SPMIP7: variants seen among roughly 807,000 people sequenced by gnomAD.
SPMIP7 encodes the protein sperm microtubule inner protein 7.
the SPMIP7 span, among the ~76,000 whole-genome samples, chr7:50,101,142 C>T: frequency 6.6e-6 from 1 of 152,352 alleles, no homozygotes; most frequent in East Asian, 1.9e-4. Context: ...ACTCTGTTTA[C>T]TTCCCATGTT....
the SPMIP7 span, among the ~76,000 whole-genome samples, chr7:50,156,617 C>A: frequency 6.6e-6 from 1 of 151,658 alleles, no homozygotes; most frequent in African/African-American, 2.4e-5. Context: ...ATTTTCCCTG[C>A]TAGTGTCCCC....
the SPMIP7 span, among the ~76,000 whole-genome samples, chr7:50,145,355 G>A: frequency 2.9e-3 from 435 of 151,206 alleles, 2 homozygotes; most frequent in African/African-American, 0.01. Flanking sequence ...CGGTGAACAA[G>A]TTTGAAGATA....
At chr7:50,136,165 T>A in the SPMIP7 span, 14 of 1,548,072 alleles carry the variant, frequency 9.0e-6, no homozygotes, top group Non-Finnish European at 1.2e-5. Flanking sequence ...CCAATTAATT[T>A]GTAAGTTTTA....
chr7:50,134,352 G>T, the SPMIP7 span: 1 of 979,028 alleles, frequency 1.0e-6, no homozygotes, highest in Non-Finnish European at 1.4e-6. Flanking sequence ...AATACCTAAG[G>T]AAGTAAATTT....
At chr7:50,138,904 T>A in the SPMIP7 span, among the ~76,000 whole-genome samples, 1 of 152,144 alleles carries the variant, frequency 6.6e-6, no homozygotes, top group South Asian at 2.1e-4. Context: ...AAAACTACCA[T>A]TTTATTGAAC....
the SPMIP7 span, among the ~76,000 whole-genome samples, chr7:50,113,381 A>G: frequency 2.0e-5 from 3 of 152,166 alleles, no homozygotes; most frequent in East Asian, 5.8e-4. Flanking sequence ...TAACAGATCT[A>G]TGAGTGACAG....
the SPMIP7 span, among the ~76,000 whole-genome samples, chr7:50,126,376 T>A: frequency 7.0e-6 from 1 of 142,822 alleles, no homozygotes; most frequent in East Asian, 1.9e-4. Flanking sequence ...TGCATATATA[T>A]CTGTTTTTTT....
chr7:50,141,423 T>C, the SPMIP7 span: 48 of 1,266,578 alleles, frequency 3.8e-5, no homozygotes, highest in Non-Finnish European at 6.8e-6. Context: ...ACTTGTTTTA[T>C]TACTAAGGAT....
chr7:50,148,443 GAC>G, the SPMIP7 span, among the ~76,000 whole-genome samples: 3 of 152,168 alleles, frequency 2.0e-5, no homozygotes, highest in Admixed American at 6.5e-5. Context: ...CCATCCCTCT[GAC>G]TTCTTAACTG....
the SPMIP7 span, among the ~76,000 whole-genome samples, chr7:50,098,470 C>T: frequency 6.6e-6 from 1 of 152,154 alleles, no homozygotes; most frequent in South Asian, 2.1e-4. Context: ...ATATTGATAC[C>T]ACTTTGTATG....
the SPMIP7 span, among the ~76,000 whole-genome samples, chr7:50,115,878 A>G: frequency 1.3e-5 from 2 of 152,186 alleles, no homozygotes; most frequent in African/African-American, 4.8e-5. Flanking sequence ...AATATTAAAT[A>G]GTGAAATGTT....
At chr7:50,125,483 A>G in the SPMIP7 span, among the ~76,000 whole-genome samples, 1 of 150,698 alleles carries the variant, frequency 6.6e-6, no homozygotes, top group East Asian at 1.9e-4. Context: ...AAGAATGGAA[A>G]TTGTGAAATG....
chr7:50,101,923 C>CA, the SPMIP7 span, among the ~76,000 whole-genome samples: 1 of 152,206 alleles, frequency 6.6e-6, no homozygotes, highest in South Asian at 2.1e-4. Flanking sequence ...AATAAATTGA[C>CA]ACAAACTTTC....
At chr7:50,134,314 T>C in the SPMIP7 span, 2 of 1,347,270 alleles carry the variant, frequency 1.5e-6, no homozygotes, top group South Asian at 1.5e-5. Flanking sequence ...AAACTTTAAG[T>C]CAAAATAATA....
At chr7:50,151,622 T>TTAATGGAATAAACACA in the SPMIP7 span, 1 of 1,099,404 alleles carries the variant, frequency 9.1e-7, no homozygotes, top group Non-Finnish European at 1.3e-6. Flanking sequence ...TAATTGTGGT[T>TTAATGGAATAAACACA]ATTCCATTAA....
chr7:50,127,637 T>C, the SPMIP7 span, among the ~76,000 whole-genome samples: 29 of 78,250 alleles, frequency 3.7e-4, no homozygotes, highest in Non-Finnish European at 3.8e-4. Flanking sequence ...ATATATATAC[T>C]GATTAAAAAT....
chr7:50,156,410 G>A, the SPMIP7 span, among the ~76,000 whole-genome samples: 1 of 151,852 alleles, frequency 6.6e-6, no homozygotes, highest in Non-Finnish European at 1.5e-5. Flanking sequence ...GCATCCCCTG[G>A]GAACTCCTGA....
chr7:50,155,841 C>G, the SPMIP7 span, among the ~76,000 whole-genome samples: 1 of 152,278 alleles, frequency 6.6e-6, no homozygotes, highest in Non-Finnish European at 1.5e-5. Context: ...CCTCACTATA[C>G]ACACATACTG....
the SPMIP7 span, among the ~76,000 whole-genome samples, chr7:50,155,380 CA>C: frequency 6.6e-6 from 1 of 152,104 alleles, no homozygotes; most frequent in Non-Finnish European, 1.5e-5. Context: ...AAAACAATGT[CA>C]AAATTAAATA....
Sources: gnomAD v4.1 joint callset for allele counts (sites outside exome capture counted in the v4.1 genomes callset) on GRCh38, gnomAD v4.1.1 for gene constraint, MANE v1.5 for transcripts, NCBI Gene and HGNC (gene_info 2026-07-23, HGNC 2026-07-21) for gene names.